The following SLC6A17 variants were observed in gnomAD, a reference collection of about 807,000 sequenced individuals.
The protein encoded by SLC6A17 is solute carrier family 6 member 17, also known as sodium-dependent neutral amino acid transporter SLC6A17.
A neutral mutation model predicts 64.5 loss-of-function variants in SLC6A17; 21 were observed. That is an observed-to-expected ratio of 0.33 (90% confidence interval 0.23 to 0.47). The LOEUF (loss-of-function observed/expected upper bound fraction) is 0.47, where lower values mean the gene tolerates loss of function less well. Among genes scored for constraint, SLC6A17 ranks in the 20% least tolerant of loss-of-function variants. The pLI is 1.00. For synonymous variants in SLC6A17, 372 were observed against 399.5 expected, an observed-to-expected ratio of 0.93 and a Z score of 0.82; for missense variants, 682 against 963.2, an observed-to-expected ratio of 0.71 and a Z score of 3.86.
rs941876641 is a variant in SLC6A17 at position 110,156,775 on chromosome 1, C to T, written c.-88+5892C>T. 3.3e-5 allele frequency among the ~76,000 whole-genome samples: 5 copies of T among 152,198 alleles called. 1 individual carries two copies. Among genetic ancestry groups the T allele is most frequent in the Admixed American group, 3.3e-4 (5 of 15,288 alleles). ...GATGAGAAAAGAGACACAAACCCTT[C>T]TCATTTTCAGGAAAGAGACATCATG... On this transcript the variant is annotated intron_variant, in intron 1 of 11. Coordinates refer to ENST00000331565, the MANE Select transcript of SLC6A17 (RefSeq NM_001010898.4).
intron 6 of SLC6A17, among the ~76,000 whole-genome samples, chr1:110,179,599 T>A (rs1202780771): frequency 2.8e-5 from 4 of 140,468 alleles, no homozygotes; most frequent in Non-Finnish European, 6.0e-5. Context: ...TGTTGCCCAG[T>A]CTGAAGTGCA....
At chr1:110,174,199 C>G in intron 4 of SLC6A17, 100 bp downstream of exon 4, 1 of 1,485,498 alleles carries the variant, frequency 6.7e-7, no homozygotes, top group East Asian at 2.4e-5. Context: ...TTGTTGTGTC[C>G]CCTTGGATAA....
chr1:110,185,657 AT>A (rs1214149989), intron 6 of SLC6A17, among the ~76,000 whole-genome samples: 1 of 152,206 alleles, frequency 6.6e-6, no homozygotes, highest in Non-Finnish European at 1.5e-5. Flanking sequence ...CCCATTGCCC[AT>A]CCTCCTCTTG....
At chr1:110,195,133 C>T (rs1243718423) in intron 9 of SLC6A17, 5 of 421,556 alleles carry the variant, frequency 1.2e-5, no homozygotes, top group African/African-American at 2.0e-5. Context: ...ACTCCAGTCC[C>T]GGGCTGTGTC....
chr1:110,156,678 A>G (rs377673272), intron 1 of SLC6A17, among the ~76,000 whole-genome samples: 2 of 152,228 alleles, frequency 1.3e-5, no homozygotes, highest in African/African-American at 4.8e-5. Context: ...ATGTAAGCAC[A>G]GTGGGTCACC....
chr1:110,198,713 G>A lies in SLC6A17; in HGVS notation c.*269G>A, dbSNP rs571641537. ...CCGCCAAATTGTAGCCATGTAATTG[G>A]AACAACCCATAAGGCCTGCTTCCCA... On this transcript the variant is annotated 3_prime_UTR_variant, in exon 12 of 12. Transcript: ENST00000331565. 4.3e-6 allele frequency: 2 copies of A among 460,828 alleles called. No individual in the cohort carries two copies. Among genetic ancestry groups the A allele is most frequent in the East Asian group, 4.0e-5 (1 of 24,808 alleles). 28.5% of individuals were successfully genotyped at this position (460,828 alleles called of 1,614,324 possible). A position where few individuals can be genotyped will look rare whatever the true frequency, so the allele number is the denominator to read the frequency against.
chr1:110,176,879 C>T, intron 6 of SLC6A17, 140 bp downstream of exon 6: 1 of 736,904 alleles, frequency 1.4e-6, no homozygotes, highest in Non-Finnish European at 2.2e-6. Context: ...TGGAGAGATG[C>T]ACAGGGAAGG....
Position 110,172,443 on chromosome 1 carries a change from C to T in SLC6A17, c.444+226C>T, listed in dbSNP as rs190075678. The T allele has an allele frequency of 4.2e-4, 244 of 576,752 alleles. 1 individual carries two copies. The highest frequency in any genetic ancestry group is 8.3e-5 in the Non-Finnish European group (28 of 336,896). The allele number at this position is 576,752 out of a possible 1,614,324, so 35.7% of individuals were successfully genotyped here. A position where few individuals can be genotyped will look rare whatever the true frequency, so the allele number is the denominator to read the frequency against. On this transcript the variant is annotated intron_variant, in intron 3 of 11. Transcript: ENST00000331565. The stretch of plus-strand genomic sequence containing the variant: ...TGCCTGAAACAGCATGGAAGATTTG[C>T]CATTGGTGCTAAGGAGGAAAAGCTG...
At chr1:110,188,105 T>TA (rs1412290016) in intron 6 of SLC6A17, among the ~76,000 whole-genome samples, 5 of 152,224 alleles carry the variant, frequency 3.3e-5, no homozygotes, top group African/African-American at 1.2e-4. Flanking sequence ...GCTGCAGAAA[T>TA]ACTAACGTGT....
chr1:110,157,197 A>G (rs1244400051), intron 1 of SLC6A17, among the ~76,000 whole-genome samples: 1 of 152,148 alleles, frequency 6.6e-6, no homozygotes, highest in Non-Finnish European at 1.5e-5. Flanking sequence ...CTCATCCAAC[A>G]GCCTGATCCA....
In SLC6A17 at chr1:110,174,776, C is replaced by G; in HGVS notation, c.572-3C>G. 1 of 1,613,506 alleles carries G rather than the reference C, an allele frequency of 6.2e-7. No homozygotes were observed. The highest frequency in any genetic ancestry group is 8.5e-7 in the Non-Finnish European group (1 of 1,179,556). On this transcript the variant is annotated splice_region_variant and splice_polypyrimidine_tract_variant and intron_variant, in intron 4 of 11. Coordinates refer to ENST00000331565, the MANE Select transcript of SLC6A17 (RefSeq NM_001010898.4). ...GGCCCTGTGACCTTTGCTGCTATTT[C>G]AGTGGTGGAGGCAGAGTGTGAAAAG...
chr1:110,194,049 G>T (rs1656897171), intron 8 of SLC6A17, among the ~76,000 whole-genome samples: 3 of 152,012 alleles, frequency 2.0e-5, no homozygotes, highest in Admixed American at 2.0e-4. Flanking sequence ...ATTTTTGTTT[G>T]TTTTAAAAAA....
In SLC6A17 at chr1:110,199,362, T is replaced by A. The variant is rs1215516144; in HGVS notation, c.*918T>A. ...CAAATTGTTGGTTCCTAGCACAAAT[T>A]AGATGGTTTGGAGCACAATGGTGAA... is the stretch of plus-strand genomic sequence containing the variant. On this transcript the variant is annotated 3_prime_UTR_variant, in exon 12 of 12. Coordinates refer to ENST00000331565, the MANE Select transcript of SLC6A17 (RefSeq NM_001010898.4). The A allele has an allele frequency of 6.6e-6, 1 of 152,070 alleles. No individual in the cohort carries two copies. The highest frequency in any genetic ancestry group is 1.5e-5 in the Non-Finnish European group (1 of 68,018). The allele number at this position is 152,070 out of a possible 1,614,324, so 9.4% of individuals were successfully genotyped here.
At chr1:110,154,826 T>G (rs1001588011) in intron 1 of SLC6A17, among the ~76,000 whole-genome samples, 7 of 152,230 alleles carry the variant, frequency 4.6e-5, no homozygotes, top group Admixed American at 2.6e-4. Flanking sequence ...TGTAGCAGTT[T>G]CTGGTGAGGC....
intron 1 of SLC6A17, among the ~76,000 whole-genome samples, chr1:110,153,636 A>G (rs1655672317): frequency 6.6e-6 from 1 of 152,026 alleles, no homozygotes; most frequent in South Asian, 2.1e-4. Flanking sequence ...AACAGAGATG[A>G]GAAGATTCCA....
intron 1 of SLC6A17, among the ~76,000 whole-genome samples, chr1:110,151,269 G>A (rs751698112): frequency 1.1e-4 from 16 of 152,336 alleles, no homozygotes; most frequent in South Asian, 2.1e-4. Flanking sequence ...GCGCGCCCAG[G>A]GCGCAGTTCC....
At chr1:110,156,235 G>A (rs778997468) in intron 1 of SLC6A17, among the ~76,000 whole-genome samples, 1 of 152,210 alleles carries the variant, frequency 6.6e-6, no homozygotes, top group Non-Finnish European at 1.5e-5. Flanking sequence ...ACTTGGTCAA[G>A]TGAGGAAGAT....
intron 1 of SLC6A17, among the ~76,000 whole-genome samples, chr1:110,165,740 G>A (rs535756565): frequency 6.6e-5 from 10 of 152,190 alleles, no homozygotes; most frequent in African/African-American, 1.4e-4. Flanking sequence ...CAGGTGGCAC[G>A]TACCTACGAG....
In SLC6A17 at chr1:110,197,648, C is replaced by T. The variant is rs200469618; in HGVS notation, c.1815+49C>T. ...CAGGGACATTTGCATCTTCTCAGGC[C>T]TTGAATGCAACCACTGATAGGGATA... is the stretch of plus-strand genomic sequence containing the variant. On this transcript the variant is annotated intron_variant, in intron 11 of 11. Coordinates refer to ENST00000331565, the MANE Select transcript of SLC6A17 (RefSeq NM_001010898.4). 65 of 1,532,188 alleles carry T rather than the reference C, an allele frequency of 4.2e-5. No homozygotes were observed. In the Admixed American group the frequency reaches 1.2e-3, roughly 29 times the overall value. The allele number at this position is 1,532,188 out of a possible 1,614,324, so 94.9% of individuals were successfully genotyped here.
Sources: gnomAD v4.1 joint callset for allele counts (sites outside exome capture counted in the v4.1 genomes callset) on GRCh38, gnomAD v4.1.1 for gene constraint, MANE v1.5 for transcripts, NCBI Gene and HGNC (gene_info 2026-07-23, HGNC 2026-07-21) for gene names.